The following CDS2 variants were observed in gnomAD, a reference collection of about 807,000 sequenced individuals.
The protein encoded by CDS2 is CDP-diacylglycerol synthase 2.
CDS2 carries 47 observed loss-of-function variants against 59.0 expected under a neutral mutation model. The ratio of observed to expected loss-of-function variants is 0.80; its 90% CI spans 0.63 to 1.02. The LOEUF is 1.02. CDS2 is among the 50% of genes least tolerant of loss of function. The probability of loss-of-function intolerance (pLI) is 0.00; values close to 1 mark genes in which losing one functional copy is unlikely to be tolerated. For synonymous variants in CDS2, 207 were observed against 206.4 expected, an observed-to-expected ratio of 1.00 and a Z score of -0.02; for missense variants, 356 against 558.9, an observed-to-expected ratio of 0.64 and a Z score of 3.66.
intron 10 of CDS2, among the ~76,000 whole-genome samples, chr20:5,188,088 CAT>C (rs1490140665): frequency 1.4e-5 from 2 of 145,430 alleles, no homozygotes; most frequent in East Asian, 2.0e-4. Flanking sequence ...GTGTTGATCA[CAT>C]GAGAAAAAAC....
chr20:5,188,794 T>C (rs148153005), intron 10 of CDS2, among the ~76,000 whole-genome samples: 69 of 152,148 alleles, frequency 4.5e-4, no homozygotes, highest in Non-Finnish European at 9.1e-4. Flanking sequence ...AGCAGACACA[T>C]GCAAAGAGGC....
chr20:5,190,305 T>G lies in CDS2; in HGVS notation c.*71T>G. On this transcript the variant is annotated 3_prime_UTR_variant, in exon 13 of 13. Transcript: ENST00000460006. Reference sequence around the variant, plus strand: ...AGGTCTCCAAGGCAAGCCCAGCTGGTGTGACTTAGACAATGACGAGGCTTC... The same window carrying G: ...AGGTCTCCAAGGCAAGCCCAGCTGGGGTGACTTAGACAATGACGAGGCTTC... 1.4e-6 allele frequency: 2 copies of G among 1,447,606 alleles called. No homozygotes were observed. Among genetic ancestry groups the G allele is most frequent in the Non-Finnish European group, 1.9e-6 (2 of 1,063,536 alleles). 89.7% of individuals were successfully genotyped at this position (1,447,606 alleles called of 1,614,324 possible). A position where few individuals can be genotyped will look rare whatever the true frequency, so the allele number is the denominator to read the frequency against.
At chr20:5,151,781 T>G (rs1375917464) in intron 1 of CDS2, among the ~76,000 whole-genome samples, 1 of 121,970 alleles carries the variant, frequency 8.2e-6, no homozygotes, top group Admixed American at 9.2e-5. Context: ...TTTTTTTTTT[T>G]GAGACGGAGT....
At chr20:5,162,733 C>T (rs1319483906) in intron 1 of CDS2, among the ~76,000 whole-genome samples, 1 of 151,924 alleles carries the variant, frequency 6.6e-6, no homozygotes, top group Non-Finnish European at 1.5e-5. Flanking sequence ...GAGCCCAGGG[C>T]CCATTCAACA....
At chr20:5,187,271 A>T (rs1386464421) in intron 10 of CDS2, 1 of 194,712 alleles carries the variant, frequency 5.1e-6, no homozygotes, top group Non-Finnish European at 1.1e-5. Context: ...CAAACAGGCC[A>T]GTTCTAATGA....
chr20:5,173,648 C>G lies in CDS2; in HGVS notation c.183C>G (p.Asn61Lys). 1 of 1,614,140 alleles carries G rather than the reference C, an allele frequency of 6.2e-7. No individual in the cohort carries two copies. The highest frequency in any genetic ancestry group is 8.5e-7 in the Non-Finnish European group (1 of 1,179,970). The change falls in exon 2 of 13, where the codon AAC (asparagine) becomes AAG (lysine). Residue 61 changes from asparagine (N) to lysine (K), a missense_variant. Physicochemically the swap from Asn to Lys is moderately conservative, Grantham distance 94. This residue lies in a region of CDS2 where 107 missense variants were observed against 129.7 expected (regional missense o/e 0.82). Coordinates refer to ENST00000460006, the MANE Select transcript of CDS2 (RefSeq NM_003818.4). Reference protein sequence around the residue: ...TPEVLNRALSNLSSRWKNWWV... With the variant: ...TPEVLNRALSKLSSRWKNWWV... ...AGGTCCTCAATAGGGCCCTTTCCAA[C>G]TTGTCTTCAAGGTAACCTGGCTTAA...
intron 1 of CDS2, among the ~76,000 whole-genome samples, chr20:5,129,300 G>A (rs912054383): frequency 9.2e-5 from 14 of 152,006 alleles, no homozygotes; most frequent in African/African-American, 1.2e-4. Flanking sequence ...TTTTTTAGAC[G>A]GAGTCTCTCT....
At chr20:5,183,331 T>C (rs560172570) in intron 7 of CDS2, among the ~76,000 whole-genome samples, 188 bp downstream of exon 7, 1 of 152,308 alleles carries the variant, frequency 6.6e-6, no homozygotes, top group South Asian at 2.1e-4. Flanking sequence ...GCTTGAGAAT[T>C]TGAATTTCTA....
chr20:5,165,478 G>A (rs1047094371), intron 1 of CDS2, among the ~76,000 whole-genome samples: 1 of 152,226 alleles, frequency 6.6e-6, no homozygotes, highest in African/African-American at 2.4e-5. Context: ...TGGTGAGGAA[G>A]TCAACATGGC....
rs1200424722 is a variant in CDS2 at position 5,190,588 on chromosome 20, A to G, written c.*354A>G. The stretch of plus-strand genomic sequence containing the variant: ...CATCAATTGAACTGTTTCTGGGCTC[A>G]GTCAGACACAGACATTCATCTGTGT... On this transcript the variant is annotated 3_prime_UTR_variant, in exon 13 of 13. Coordinates refer to ENST00000460006, the MANE Select transcript of CDS2 (RefSeq NM_003818.4). 6.2e-6 allele frequency: 1 copy of G among 162,196 alleles called. No individual in the cohort carries two copies. The highest frequency in any genetic ancestry group is 2.4e-5 in the African/African-American group (1 of 41,760). 10.0% of individuals were successfully genotyped at this position (162,196 alleles called of 1,614,324 possible).
At chr20:5,168,145 TAGC>T (rs2090926097) in intron 1 of CDS2, among the ~76,000 whole-genome samples, 1 of 152,110 alleles carries the variant, frequency 6.6e-6, no homozygotes, top group Admixed American at 6.6e-5. Context: ...CTGGGTACGG[TAGC>T]TCACGCCTGT....
At chr20:5,147,444 G>A (rs1365939918) in intron 1 of CDS2, among the ~76,000 whole-genome samples, 4 of 152,194 alleles carry the variant, frequency 2.6e-5, no homozygotes, top group African/African-American at 9.7e-5. Context: ...CACATCAGTA[G>A]TGGAGCCCAG....
chr20:5,181,421 G>T (rs551787414), intron 5 of CDS2, among the ~76,000 whole-genome samples: 9 of 152,308 alleles, frequency 5.9e-5, no homozygotes, highest in African/African-American at 1.9e-4. Flanking sequence ...CCAAGAGAGT[G>T]TTATTGGATC....
chr20:5,155,542 T>C (rs188625470), intron 1 of CDS2, among the ~76,000 whole-genome samples: 448 of 152,342 alleles, frequency 2.9e-3, no homozygotes, highest in Non-Finnish European at 4.8e-3. Context: ...TCTGTTGGCA[T>C]TCCTTGGCTG....
chr20:5,182,297 A>G, intron 5 of CDS2, 90 bp from the exon 6 acceptor site: 1 of 1,109,566 alleles, frequency 9.0e-7, no homozygotes, highest in Non-Finnish European at 1.3e-6. Flanking sequence ...GGAATAAATT[A>G]GCCAAAGAAC....
chr20:5,130,941 A>T (rs1343486457), intron 1 of CDS2, among the ~76,000 whole-genome samples: 2 of 151,844 alleles, frequency 1.3e-5, no homozygotes, highest in Non-Finnish European at 2.9e-5. Context: ...AATACAAAAA[A>T]TTAGCCGGGC....
chr20:5,129,689 G>A (rs111856247), intron 1 of CDS2, among the ~76,000 whole-genome samples: 4,698 of 151,742 alleles, frequency 0.031, 229 homozygotes, highest in African/African-American at 0.11. Flanking sequence ...TGATCCTCCC[G>A]CCTCAGCTTC....
At chr20:5,156,449 C>T (rs989517325) in intron 1 of CDS2, among the ~76,000 whole-genome samples, 3 of 152,044 alleles carry the variant, frequency 2.0e-5, no homozygotes, top group Non-Finnish European at 2.9e-5. Flanking sequence ...GAGGACATAA[C>T]TCGTGTTATG....
At chr20:5,181,854 G>A (rs1047571046) in intron 5 of CDS2, among the ~76,000 whole-genome samples, 2 of 152,158 alleles carry the variant, frequency 1.3e-5, no homozygotes, top group South Asian at 2.1e-4. Flanking sequence ...CATAGAAAAG[G>A]TACTATATGG....
Sources: allele counts gnomAD v4.1 joint callset (sites outside exome capture counted in the v4.1 genomes callset), GRCh38; gene constraint gnomAD v4.1.1; regional missense constraint gnomAD v4.1.1; transcripts MANE v1.5; gene names NCBI Gene and HGNC (gene_info 2026-07-23, HGNC 2026-07-21).